Variants in NELL1 observed in about 807,000 individuals in gnomAD.
The protein encoded by NELL1 is protein kinase C-binding protein NELL1.
NELL1 carries 76 observed loss-of-function variants against 107.4 expected under a neutral mutation model. The observed-to-expected ratio is 0.71, with a 90% CI of 0.59 to 0.86. NELL1 has a LOEUF of 0.86. Ranked by LOEUF, NELL1 falls within the 40% of genes least tolerant of loss-of-function variation. The probability of loss-of-function intolerance (pLI) is 0.00; values close to 1 mark genes in which losing one functional copy is unlikely to be tolerated. For missense variants in NELL1, 1,024 were observed against 1,005.5 expected, an observed-to-expected ratio of 1.02 and a Z score of -0.25; for synonymous variants, 353 against 341.2, an observed-to-expected ratio of 1.03 and a Z score of -0.38.
intron 2 of NELL1, among the ~76,000 whole-genome samples, chr11:20,678,948 A>G (rs1344834723): frequency 6.6e-6 from 1 of 152,222 alleles, no homozygotes; most frequent in African/African-American, 2.4e-5. Context: ...AGCCTGGTAT[A>G]GGAAGGGATG....
chr11:20,874,949 A>G (rs1320476401), intron 4 of NELL1, among the ~76,000 whole-genome samples: 2 of 152,302 alleles, frequency 1.3e-5, no homozygotes, highest in East Asian at 3.9e-4. Context: ...TCAACTGTTC[A>G]TCACTTGATT....
rs1848790027 is a variant in NELL1, at chr11:21,273,661, G to A, written c.1549+44207G>A. 2.6e-5 allele frequency among the ~76,000 whole-genome samples: 4 copies of A among 152,238 alleles called. No individual in the cohort carries two copies. The South Asian group carries it at 8.3e-4, about 32-fold the overall frequency. On this transcript the variant is annotated intron_variant, in intron 14 of 19. Coordinates refer to ENST00000357134, the MANE Select transcript of NELL1 (RefSeq NM_006157.5). ...TTAAGGGCAGCCAGAGAGAAAGGTC[G>A]GGTTACCCACAAAGGGAAACCCATC... is the stretch of plus-strand genomic sequence containing the variant.
At chr11:21,422,095 ATGTGTGTGTGTGTGTG>A (rs58034116) in intron 15 of NELL1, among the ~76,000 whole-genome samples, 1 of 118,372 alleles carries the variant, frequency 8.4e-6, no homozygotes, top group Non-Finnish European at 1.6e-5. Context: ...ATTTACACAT[ATGTGTGTGTGTGTGTG>A]TGTGTGTGTG....
chr11:21,470,165 C>T (rs1007219243), intron 15 of NELL1, among the ~76,000 whole-genome samples: 1 of 151,996 alleles, frequency 6.6e-6, no homozygotes. Flanking sequence ...AAGATATATG[C>T]AGAAACATGA....
intron 3 of NELL1, among the ~76,000 whole-genome samples, chr11:20,825,336 A>T (rs554501552): frequency 1.7e-4 from 26 of 151,324 alleles, no homozygotes; most frequent in African/African-American, 5.5e-4. Context: ...CAGACCCCAG[A>T]ATGGTAGATC....
intron 3 of NELL1, among the ~76,000 whole-genome samples, chr11:20,811,819 T>C (rs550840310): frequency 2.6e-4 from 40 of 152,258 alleles, no homozygotes; most frequent in South Asian, 1.4e-3. Context: ...TTAGTTCTTA[T>C]AGTTTTTGTG....
chr11:21,410,473 C>T (rs1360138932), intron 15 of NELL1, among the ~76,000 whole-genome samples: 2 of 151,958 alleles, frequency 1.3e-5, no homozygotes, highest in African/African-American at 4.8e-5. Context: ...TTTTCCCCAT[C>T]TTTTATATTT....
At chr11:21,392,378 T>A (rs538511523) in intron 15 of NELL1, among the ~76,000 whole-genome samples, 4 of 151,954 alleles carry the variant, frequency 2.6e-5, no homozygotes, top group African/African-American at 9.6e-5. Flanking sequence ...CTTTCTCCAC[T>A]CCAGGCTATG....
At chr11:21,488,670 A>T (rs1186657373) in intron 15 of NELL1, among the ~76,000 whole-genome samples, 1 of 152,178 alleles carries the variant, frequency 6.6e-6, no homozygotes, top group Non-Finnish European at 1.5e-5. Flanking sequence ...AAATTAAACA[A>T]CGTATTCCTA....
chr11:21,464,237 T>C (rs1185757710), intron 15 of NELL1, among the ~76,000 whole-genome samples: 2 of 152,034 alleles, frequency 1.3e-5, no homozygotes, highest in African/African-American at 4.8e-5. Flanking sequence ...CTGGAAAGTG[T>C]CAAAAAATTG....
intron 2 of NELL1, among the ~76,000 whole-genome samples, chr11:20,745,027 A>G (rs1855972396): frequency 6.6e-6 from 1 of 152,108 alleles, no homozygotes. Flanking sequence ...TCTCTACCAC[A>G]TTACCCTATT....
At chr11:21,174,423 A>G (rs568401459) in intron 13 of NELL1, among the ~76,000 whole-genome samples, 1 of 152,032 alleles carries the variant, frequency 6.6e-6, no homozygotes, top group African/African-American at 2.4e-5. Context: ...TACATAGTCA[A>G]TAACTAAAAA....
At chr11:21,174,470 C>A (rs1856671196) in intron 13 of NELL1, among the ~76,000 whole-genome samples, 1 of 151,712 alleles carries the variant, frequency 6.6e-6, no homozygotes, top group Non-Finnish European at 1.5e-5. Flanking sequence ...TTGAAATAAT[C>A]AGATGGTCTA....
chr11:21,390,605 C>T (rs1432427306), intron 15 of NELL1, among the ~76,000 whole-genome samples: 2 of 151,370 alleles, frequency 1.3e-5, no homozygotes, highest in African/African-American at 4.8e-5. Flanking sequence ...CAGTGTTTAC[C>T]TTATTATGTA....
intron 12 of NELL1, among the ~76,000 whole-genome samples, chr11:20,985,989 C>T (rs935343454): frequency 1.1e-4 from 17 of 152,148 alleles, no homozygotes; most frequent in African/African-American, 3.6e-4. Context: ...TTTCTGTCTT[C>T]GCAATGAAGA....
At chr11:21,330,940 C>G (rs2133685153) in intron 14 of NELL1, among the ~76,000 whole-genome samples, 1 of 152,108 alleles carries the variant, frequency 6.6e-6, no homozygotes, top group East Asian at 1.9e-4. Flanking sequence ...ATTGCATAAT[C>G]TTTATTCGTC....
rs576161345 is a variant in NELL1, at chr11:20,987,423, G to A, written c.1300+26863G>A. ...ACTGAGTAATTTATAAAGGAAAGAG[G>A]TTTTAATTGACTCATAGTTCTGCAC... On this transcript the variant is annotated intron_variant, in intron 12 of 19. Transcript: ENST00000357134. Among the ~76,000 whole-genome samples, 15 of 152,274 alleles carry A rather than the reference G, an allele frequency of 9.9e-5. No homozygotes were observed. The South Asian group carries it at 1.9e-3, about 19-fold the overall frequency.
intron 15 of NELL1, among the ~76,000 whole-genome samples, chr11:21,416,382 C>T (rs1203000585): frequency 6.6e-6 from 1 of 152,072 alleles, no homozygotes; most frequent in Non-Finnish European, 1.5e-5. Context: ...AAATGGTAGC[C>T]TGTAAGGGCA....
chr11:21,480,547 C>CA (rs1854467035), intron 15 of NELL1, among the ~76,000 whole-genome samples: 1 of 152,032 alleles, frequency 6.6e-6, no homozygotes, highest in African/African-American at 2.4e-5. Context: ...CTTATCTGAC[C>CA]AAAAAAATCC....
Sources: gnomAD v4.1 joint callset for allele counts (sites outside exome capture counted in the v4.1 genomes callset) on GRCh38, gnomAD v4.1.1 for gene constraint, MANE v1.5 for transcripts, NCBI Gene and HGNC (gene_info 2026-07-23, HGNC 2026-07-21) for gene names.